CDH8: variants seen among roughly 807,000 people sequenced by gnomAD.
The protein encoded by CDH8 is cadherin 8.
In CDH8, 17 loss-of-function variants were observed where a neutral mutation model predicts 68.1. The observed-to-expected ratio is 0.25, with a 90% CI of 0.17 to 0.37. CDH8 has a LOEUF of 0.37. Ranked by LOEUF, CDH8 falls within the 10% of genes least tolerant of loss-of-function variation. CDH8 has a pLI of 1.00. For synonymous variants in CDH8, 372 were observed against 365.1 expected, an observed-to-expected ratio of 1.02 and a Z score of -0.21; for missense variants, 763 against 999.3, an observed-to-expected ratio of 0.76 and a Z score of 3.19.
At chr16:61,792,346 A>T (rs1961397133) in intron 7 of CDH8, among the ~76,000 whole-genome samples, 1 of 152,014 alleles carries the variant, frequency 6.6e-6, no homozygotes, top group African/African-American at 2.4e-5. Flanking sequence ...GACTTAGTTT[A>T]AAATTCACTT....
rs574719621 is a variant in CDH8, at chr16:61,929,010, G to A, written c.253-27537C>T. On this transcript the variant is annotated intron_variant, in intron 2 of 11. Transcript: ENST00000577390. The stretch of plus-strand genomic sequence containing the variant: ...GGCAAACTCTGCCTCCCGGGTTCAC[G>A]CCATTCTCCTGACTCAGCCTCCCGA... 2.6e-3 allele frequency among the ~76,000 whole-genome samples: 390 copies of A among 152,216 alleles called. 1 individual carries two copies. Among genetic ancestry groups the A allele is most frequent in the Admixed American group, 6.1e-3 (93 of 15,290 alleles).
chr16:61,825,957 C>T (rs1245974592), intron 4 of CDH8, among the ~76,000 whole-genome samples: 2 of 151,672 alleles, frequency 1.3e-5, no homozygotes, highest in African/African-American at 4.8e-5. Flanking sequence ...ATTTAATATT[C>T]TTGTTAAAGA....
In CDH8 at chr16:61,864,661, T is replaced by C. The variant is rs192976963; in HGVS notation, c.548-7423A>G. Among the ~76,000 whole-genome samples, 68 of 152,164 alleles carry C rather than the reference T, an allele frequency of 4.5e-4. 1 individual carries two copies. Among genetic ancestry groups the C allele is most frequent in the Admixed American group, 1.8e-3 (28 of 15,268 alleles). On this transcript the variant is annotated intron_variant, in intron 3 of 11. Transcript: ENST00000577390. ...TTTGCAGGGGGAGGAGGATTAAACA[T>C]GGATCAGCCAAAGTTAGGGCTTCTT...
At chr16:61,840,397 T>C (rs996920391) in intron 4 of CDH8, among the ~76,000 whole-genome samples, 1 of 152,190 alleles carries the variant, frequency 6.6e-6, no homozygotes, top group Non-Finnish European at 1.5e-5. Context: ...CATTGAAGTC[T>C]TGGTCCATGT....
At position 61,725,508 on chromosome 16, in the gene CDH8, C is replaced by T. The variant is rs1036873290; in HGVS notation, c.1536+1586G>A. Reference sequence around the variant, plus strand: ...ACTCTATGTGATTGAAAAAGTCTAGCTTACCAGTCTGTGATTTGGCTACAT... The same window carrying T: ...ACTCTATGTGATTGAAAAAGTCTAGTTTACCAGTCTGTGATTTGGCTACAT... On this transcript the variant is annotated intron_variant, in intron 9 of 11. Coordinates refer to ENST00000577390, the MANE Select transcript of CDH8 (RefSeq NM_001796.5). 7 of 150,868 alleles carry T rather than the reference C, an allele frequency of 4.6e-5. No homozygotes were observed. In the Admixed American group the frequency reaches 4.6e-4, roughly 10 times the overall value. 9.3% of individuals were successfully genotyped at this position (150,868 alleles called of 1,614,324 possible).
chr16:61,897,391 T>C (rs139722312), intron 3 of CDH8, among the ~76,000 whole-genome samples: 3,243 of 152,270 alleles, frequency 0.021, 59 homozygotes, highest in Non-Finnish European at 0.031. Flanking sequence ...TAGCTGGGAT[T>C]ACAGGCATAT....
intron 2 of CDH8, chr16:61,940,138 T>A (rs1167641358): frequency 6.6e-6 from 1 of 151,472 alleles, no homozygotes; most frequent in Non-Finnish European, 1.5e-5. Context: ...AGTCATAGAT[T>A]TTTTTTTACA....
At chr16:61,674,123 A>C (rs1434380492) in intron 10 of CDH8, among the ~76,000 whole-genome samples, 1 of 152,118 alleles carries the variant, frequency 6.6e-6, no homozygotes, top group African/African-American at 2.4e-5. Flanking sequence ...AGAAACAAGA[A>C]AGATACACCA....
At chr16:61,835,245 C>T (rs1370770671) in intron 4 of CDH8, among the ~76,000 whole-genome samples, 1 of 151,904 alleles carries the variant, frequency 6.6e-6, no homozygotes, top group East Asian at 1.9e-4. Flanking sequence ...ATTCCACTAT[C>T]TCAATGTGTA....
At chr16:61,970,069 T>C (rs567656492) in intron 2 of CDH8, among the ~76,000 whole-genome samples, 1 of 152,236 alleles carries the variant, frequency 6.6e-6, no homozygotes, top group Admixed American at 6.5e-5. Flanking sequence ...ATATTAAACA[T>C]GCTCCACAAT....
chr16:61,759,331 A>T (rs1484863439), intron 8 of CDH8, among the ~76,000 whole-genome samples: 1 of 152,078 alleles, frequency 6.6e-6, no homozygotes, highest in Non-Finnish European at 1.5e-5. Context: ...TTATTTTTTA[A>T]AAAGAAGAAA....
rs951841809 is a variant in CDH8 at position 61,807,157 on chromosome 16, T to C, written c.1277+10322A>G. ...CTATGCAGCCATAAAAAATGATGAGTTCGTGTTCTTTGTAGGGACATGGAT... is the reference window on the plus strand; with the variant it reads ...CTATGCAGCCATAAAAAATGATGAGCTCGTGTTCTTTGTAGGGACATGGAT... On this transcript the variant is annotated intron_variant, in intron 7 of 11. Transcript: ENST00000577390. 3.9e-4 allele frequency among the ~76,000 whole-genome samples: 58 copies of C among 149,748 alleles called. 1 individual carries two copies. The highest frequency in any genetic ancestry group is 1.4e-3 in the African/African-American group (57 of 40,420).
chr16:61,967,106 C>T (rs1470000098), intron 2 of CDH8, among the ~76,000 whole-genome samples: 4 of 152,024 alleles, frequency 2.6e-5, no homozygotes, highest in African/African-American at 4.8e-5. Context: ...GAGGCTGGGA[C>T]GGGAAGATCC....
chr16:61,886,073 C>A (rs544210123), intron 3 of CDH8, among the ~76,000 whole-genome samples: 4 of 152,198 alleles, frequency 2.6e-5, no homozygotes, highest in Non-Finnish European at 5.9e-5. Context: ...ACCCTCTACC[C>A]TGGTTCTAAC....
rs1308785062 is a variant in CDH8 at position 61,966,343 on chromosome 16, C to T, written c.252+54809G>A. Among the ~76,000 whole-genome samples the T allele has an allele frequency of 2.6e-5, 4 of 151,812 alleles. No individual in the cohort carries two copies. The East Asian group carries it at 7.8e-4, about 30-fold the overall frequency. On this transcript the variant is annotated intron_variant, in intron 2 of 11. Coordinates refer to ENST00000577390, the MANE Select transcript of CDH8 (RefSeq NM_001796.5). ...TCACGATGTCAAGAGATCTAGACAA[C>T]CTTGGCCAACATGGTGAAACCCCAT...
At chr16:61,931,324 C>T (rs1239344147) in intron 2 of CDH8, among the ~76,000 whole-genome samples, 1 of 152,036 alleles carries the variant, frequency 6.6e-6, no homozygotes, top group East Asian at 1.9e-4. Context: ...CAACCATGCA[C>T]AGCTAATTTT....
intron 1 of CDH8, among the ~76,000 whole-genome samples, chr16:62,029,926 G>A (rs1902284980): frequency 6.6e-6 from 1 of 152,294 alleles, no homozygotes; most frequent in Admixed American, 6.5e-5. Context: ...AAGAAATGTG[G>A]AAATGGTTAA....
chr16:61,655,011 T>G (rs1434498101), intron 11 of CDH8, among the ~76,000 whole-genome samples: 1 of 152,204 alleles, frequency 6.6e-6, no homozygotes, highest in East Asian at 1.9e-4. Flanking sequence ...TGAAGAAAAC[T>G]TATTTTTAGT....
At chr16:61,849,154 A>G (rs1046718675) in intron 4 of CDH8, among the ~76,000 whole-genome samples, 1 of 151,882 alleles carries the variant, frequency 6.6e-6, no homozygotes, top group African/African-American at 2.4e-5. Context: ...CTTTCTCCAT[A>G]CTCTCTTTTG....
Sources: gnomAD v4.1 joint callset for allele counts (sites outside exome capture counted in the v4.1 genomes callset) on GRCh38, gnomAD v4.1.1 for gene constraint, MANE v1.5 for transcripts, NCBI Gene and HGNC (gene_info 2026-07-23, HGNC 2026-07-21) for gene names.